KNDC1: variants seen among roughly 807,000 people sequenced by gnomAD.
KNDC1 encodes kinase non-catalytic C-lobe domain-containing protein 1.
In KNDC1, 106 loss-of-function variants were observed where a neutral mutation model predicts 172.8. That is an observed-to-expected ratio of 0.61 (90% confidence interval 0.52 to 0.72). The LOEUF is 0.72. KNDC1 is among the 30% of genes least tolerant of loss of function. KNDC1 has a pLI of 0.00. For missense variants in KNDC1, 2,325 were observed against 2,394.5 expected (o/e 0.97, Z 0.61); for synonymous variants, 1,083 against 1,062.2 (o/e 1.02, Z -0.38).
intron 3 of KNDC1, among the ~76,000 whole-genome samples, chr10:133,169,910 C>T (rs935009652): frequency 2.6e-5 from 4 of 152,254 alleles, no homozygotes; most frequent in African/African-American, 7.2e-5. Flanking sequence ...GTGGTTCCCC[C>T]GTGGGACTCG....
chr10:133,170,726 A>AT (rs1232796755), intron 3 of KNDC1, among the ~76,000 whole-genome samples: 2 of 152,242 alleles, frequency 1.3e-5, no homozygotes, highest in Non-Finnish European at 1.5e-5. Context: ...GAAGAGTGGC[A>AT]TTGGGTTGCA....
rs1394493630 is a variant in KNDC1, at chr10:133,224,883, T to A, written c.5243T>A (p.Phe1748Tyr). 6.2e-7 allele frequency: 1 copy of A among 1,609,772 alleles called. No individual in the cohort carries two copies. Among genetic ancestry groups the A allele is most frequent in the Non-Finnish European group, 8.5e-7 (1 of 1,176,710 alleles). Reference sequence around the variant, plus strand: ...AAGCTACGGAGGATGAAGGCTACATTCCAGTAGCCGAGCTCGGGCCTGGTG... The same window carrying A: ...AAGCTACGGAGGATGAAGGCTACATACCAGTAGCCGAGCTCGGGCCTGGTG... Reference protein sequence around the residue: ...QDKLRRMKATFQ With the variant: ...QDKLRRMKATYQ The change falls in exon 30 of 30, where the codon TTC (phenylalanine) becomes TAC (tyrosine). Residue 1748 changes from phenylalanine to tyrosine, a missense_variant. Coordinates refer to ENST00000304613, the MANE Select transcript of KNDC1 (RefSeq NM_152643.8). This position sits in a 1 kb window ranked among gnomAD's most constrained non-coding sequence, Gnocchi z 5.4.
At chr10:133,175,114 ATGGATGGGTGGATGGATGGTGGG>A (rs1421543647) in intron 3 of KNDC1, among the ~76,000 whole-genome samples, 11 of 133,934 alleles carry the variant, frequency 8.2e-5, no homozygotes, top group African/African-American at 3.2e-4. Context: ...GGATATGTGG[ATGGATGGGTGGATGGATGGTGGG>A]TGGATGGGTG....
rs1160163711 is a variant in KNDC1 at position 133,211,537 on chromosome 10, C to T, written c.4024C>T (p.Leu1342=). 6.2e-7 allele frequency: 1 copy of T among 1,613,980 alleles called. No homozygotes were observed. The highest frequency in any genetic ancestry group is 1.1e-5 in the South Asian group (1 of 91,078). The part of the protein sequence containing the change: ...AVDFPRNSGL[L]GKLEDFISSK... ...GGACTTCCCTCGGAACAGCGGGCTG[C>T]TGGGGAAGCTAGAGGACTTCATCTC... The change falls in exon 22 of 30, where the codon CTG becomes TTG. Residue 1342 remains leucine, a synonymous_variant. Coordinates refer to ENST00000304613, the MANE Select transcript of KNDC1 (RefSeq NM_152643.8).
intron 3 of KNDC1, among the ~76,000 whole-genome samples, chr10:133,169,585 G>C (rs7074845): frequency 6.6e-6 from 1 of 152,118 alleles, no homozygotes; most frequent in Non-Finnish European, 1.5e-5. Flanking sequence ...CCTCTGCTGC[G>C]GGGGTCCTAC....
At chr10:133,197,512 G>T (rs1203596458) in intron 11 of KNDC1, among the ~76,000 whole-genome samples, 163 bp from the exon 12 acceptor site, 1 of 152,230 alleles carries the variant, frequency 6.6e-6, no homozygotes, top group Non-Finnish European at 1.5e-5. Context: ...TCCCTCTCCA[G>T]GCAGAGCCGC....
chr10:133,213,586 T>G (rs1226712521), intron 24 of KNDC1, 59 bp from the exon 25 acceptor site: 1 of 1,493,046 alleles, frequency 6.7e-7, no homozygotes, highest in East Asian at 2.3e-5. Context: ...GGACCCTGCC[T>G]TGGACACAAG....
At chr10:133,217,460 C>T (rs1392506610) in intron 26 of KNDC1, among the ~76,000 whole-genome samples, 1 of 152,288 alleles carries the variant, frequency 6.6e-6, no homozygotes, top group East Asian at 1.9e-4. Context: ...CGGTGGCTCA[C>T]GCCTCTAATC....
chr10:133,183,806 G>A (rs1853796182), intron 4 of KNDC1, 66 bp from the exon 5 acceptor site: 12 of 1,273,264 alleles, frequency 9.4e-6, no homozygotes, highest in Admixed American at 4.2e-5. Flanking sequence ...CGGCCGTGTC[G>A]GGTGGGTGGC....
rs943441222 is a variant in KNDC1 at position 133,186,101 on chromosome 10, C to T, written c.753C>T (p.Ser251=). 4 of 1,597,594 alleles carry T rather than the reference C, an allele frequency of 2.5e-6. No homozygotes were observed. Among genetic ancestry groups the T allele is most frequent in the South Asian group, 2.3e-5 (2 of 88,582 alleles). The change falls in exon 6 of 30, where the codon AGC becomes AGT. Residue 251 remains serine (S), a synonymous_variant. Coordinates refer to ENST00000304613, the MANE Select transcript of KNDC1 (RefSeq NM_152643.8). ...PTPEGPESET[S]RGPRASPTKA... ...CCGAAGGCCCGGAGTCTGAGACGAG[C>T]CGGGGCCCCAGAGCCTCCCCAACCA...
intron 3 of KNDC1, among the ~76,000 whole-genome samples, chr10:133,179,588 A>C (rs1314944648): frequency 6.6e-6 from 1 of 152,136 alleles, no homozygotes; most frequent in East Asian, 1.9e-4. Context: ...AACTTCAACC[A>C]GTGTTGAACT....
intron 3 of KNDC1, among the ~76,000 whole-genome samples, chr10:133,179,653 T>C (rs955224959): frequency 6.6e-6 from 1 of 152,022 alleles, no homozygotes; most frequent in Non-Finnish European, 1.5e-5. Flanking sequence ...GTGGGGAAGT[T>C]TTCACGTCCA....
At chr10:133,205,689 G>T (rs1845167172) in intron 17 of KNDC1, among the ~76,000 whole-genome samples, 2 of 152,114 alleles carry the variant, frequency 1.3e-5, no homozygotes, top group South Asian at 4.1e-4. Flanking sequence ...GAAAGGCAAG[G>T]CTGGTGCAGT....
intron 3 of KNDC1, among the ~76,000 whole-genome samples, chr10:133,169,585 G>A (rs7074845): frequency 0.023 from 3,563 of 152,232 alleles, 113 homozygotes; most frequent in African/African-American, 0.066. Context: ...CCTCTGCTGC[G>A]GGGGTCCTAC....
chr10:133,221,414 G>A (rs1845585435), intron 29 of KNDC1, among the ~76,000 whole-genome samples: 1 of 131,758 alleles, frequency 7.6e-6, no homozygotes, highest in Non-Finnish European at 1.7e-5. Context: ...AAGGCACAGG[G>A]GCCAGCCTCT....
chr10:133,174,976 GTGGGTGGA>G lies in KNDC1; in HGVS notation c.360+6676_360+6683del, dbSNP rs1356126890. Among the ~76,000 whole-genome samples the G allele has an allele frequency of 1.1e-4, 17 of 151,440 alleles. No homozygotes were observed. The East Asian group carries it at 2.0e-3, about 17-fold the overall frequency. On this transcript the variant is annotated intron_variant, in intron 3 of 29. Transcript: ENST00000304613. ...AGGTGGTGGATATGTGGATGGATGA[GTGGGTGGA>G]TGGGTGGATGGTGGATATGTGAATG... is the stretch of plus-strand genomic sequence containing the variant.
At position 133,186,595 on chromosome 10, in the gene KNDC1, G is replaced by C; in HGVS notation, c.1247G>C (p.Ser416Thr). Residue 416 changes from serine to threonine, a missense_variant, in exon 6 of 30, where the codon AGC (serine) becomes ACC (threonine). By Grantham distance (58) the Ser-to-Thr change is moderately conservative (BLOSUM62 1). Coordinates refer to ENST00000304613, the MANE Select transcript of KNDC1 (RefSeq NM_152643.8). ...GCCCCTGCAGACCCTCGAGATGCTA[G>C]CGGTGAAGCCCAGACTCCCAGGGAC... ...AEAPADPRDA[S>T]GEAQTPRDDE... 1 of 1,603,668 alleles carries C rather than the reference G, an allele frequency of 6.2e-7. No individual in the cohort carries two copies. The highest frequency in any genetic ancestry group is 8.5e-7 in the Non-Finnish European group (1 of 1,179,804).
chr10:133,165,996 G>A lies in KNDC1; in HGVS notation c.103-1385G>A, dbSNP rs1179066342. ...GACCCCACGAACAGACGCAGAGCCA[G>A]CCCCATGGCCAGGCCCCACCGGGCG... is the stretch of plus-strand genomic sequence containing the variant. On this transcript the variant is annotated intron_variant, in intron 1 of 29. Coordinates refer to ENST00000304613, the MANE Select transcript of KNDC1 (RefSeq NM_152643.8). 3.3e-5 allele frequency among the ~76,000 whole-genome samples: 5 copies of A among 152,350 alleles called. No individual in the cohort carries two copies. The East Asian group carries it at 7.7e-4, about 24-fold the overall frequency.
At position 133,177,059 on chromosome 10, in the gene KNDC1, G is replaced by A. The variant is rs554784681; in HGVS notation, c.361-6285G>A. Among the ~76,000 whole-genome samples the A allele has an allele frequency of 2.6e-5, 4 of 152,318 alleles. No individual in the cohort carries two copies. In the East Asian group the frequency reaches 7.7e-4, roughly 29 times the overall value. On this transcript the variant is annotated intron_variant, in intron 3 of 29. Coordinates refer to ENST00000304613, the MANE Select transcript of KNDC1 (RefSeq NM_152643.8). Reference sequence around the variant, plus strand: ...AGCCCACAGCAGATCACCCAGCTGTGCACCAACCTCTGCTCACCCTCTTCT... The same window carrying A: ...AGCCCACAGCAGATCACCCAGCTGTACACCAACCTCTGCTCACCCTCTTCT...
Sources: gnomAD v4.1 joint callset for allele counts (sites outside exome capture counted in the v4.1 genomes callset) on GRCh38, gnomAD v4.1.1 for gene constraint, Gnocchi (gnomAD v3.1) non-coding constraint, MANE v1.5 for transcripts, NCBI Gene and HGNC (gene_info 2026-07-23, HGNC 2026-07-21) for gene names.